TXNDC16: variants seen among roughly 807,000 people sequenced by gnomAD.
TXNDC16 encodes the protein thioredoxin domain containing 16.
TXNDC16 carries 74 observed loss-of-function variants against 85.6 expected under a neutral mutation model. That is an observed-to-expected ratio of 0.86 (90% CI 0.72 to 1.05). TXNDC16 has a LOEUF of 1.05. Ranked by LOEUF, TXNDC16 falls within the 50% of genes least tolerant of loss-of-function variation. TXNDC16 has a pLI of 0.00. For missense variants in TXNDC16, 959 were observed against 947.0 expected, an observed-to-expected ratio of 1.01 and a Z score of -0.17; for synonymous variants, 335 against 326.5, an observed-to-expected ratio of 1.03 and a Z score of -0.28.
chr14:52,439,953 A>C (rs2035129075), intron 19 of TXNDC16, among the ~76,000 whole-genome samples: 1 of 152,206 alleles, frequency 6.6e-6, no homozygotes. Flanking sequence ...TTTTACTCTT[A>C]GATACCTGTA....
At chr14:52,533,577 A>G (rs2037632558) in intron 6 of TXNDC16, among the ~76,000 whole-genome samples, 2 of 152,308 alleles carry the variant, frequency 1.3e-5, no homozygotes, top group African/African-American at 2.4e-5. Flanking sequence ...AATCAGAACA[A>G]CAAGCCAAAC....
chr14:52,466,674 G>C (rs1441039820), intron 16 of TXNDC16, among the ~76,000 whole-genome samples: 3 of 151,894 alleles, frequency 2.0e-5, no homozygotes, highest in African/African-American at 4.8e-5. Flanking sequence ...AAACCATCCT[G>C]GCTAATGCGT....
At chr14:52,511,105 A>G (rs1042950114) in intron 9 of TXNDC16, 135 bp downstream of exon 9, 11 of 671,502 alleles carry the variant, frequency 1.6e-5, no homozygotes, top group East Asian at 3.1e-5. Flanking sequence ...GGGAAAAGCT[A>G]TAACTGTCAT....
intron 6 of TXNDC16, among the ~76,000 whole-genome samples, chr14:52,527,236 C>T (rs2140203764): frequency 6.6e-6 from 1 of 152,272 alleles, no homozygotes; most frequent in South Asian, 2.1e-4. Context: ...TGACTGGCAT[C>T]TCAGGTAGGG....
intron 20 of TXNDC16, among the ~76,000 whole-genome samples, chr14:52,432,929 T>A (rs2140095864): frequency 6.6e-6 from 1 of 152,308 alleles, no homozygotes; most frequent in African/African-American, 2.4e-5. Context: ...CACATACACA[T>A]ATGTAAAACG....
chr14:52,522,767 C>A (rs2037237964), intron 6 of TXNDC16, among the ~76,000 whole-genome samples: 1 of 152,190 alleles, frequency 6.6e-6, no homozygotes, highest in South Asian at 2.1e-4. Context: ...CCTATATCCA[C>A]TCCAAATCCT....
intron 20 of TXNDC16, among the ~76,000 whole-genome samples, chr14:52,433,617 A>G (rs993720364): frequency 2.0e-5 from 3 of 152,210 alleles, no homozygotes; most frequent in East Asian, 1.9e-4. Context: ...AAAAATCTGT[A>G]TATGTACACA....
At chr14:52,467,721 T>C (rs1325883630) in intron 16 of TXNDC16, among the ~76,000 whole-genome samples, 1 of 152,200 alleles carries the variant, frequency 6.6e-6, no homozygotes, top group Non-Finnish European at 1.5e-5. Flanking sequence ...AGAATTACCA[T>C]ATGACCCAGC....
rs1333250362 is a variant in TXNDC16, at chr14:52,440,490, T to C, written c.2003+74A>G. 7.8e-6 allele frequency: 10 copies of C among 1,274,000 alleles called. No individual in the cohort carries two copies. The Admixed American group carries it at 2.1e-4, about 27-fold the overall frequency. The allele number at this position is 1,274,000 out of a possible 1,614,324, so 78.9% of individuals were successfully genotyped here. ...ATTAACTCCAAAGAGTTAGAGAGTT[T>C]CGTTTCCTAATGAAAATGTAATAAT... On this transcript the variant is annotated intron_variant, in intron 19 of 20. Coordinates refer to ENST00000281741, the MANE Select transcript of TXNDC16 (RefSeq NM_020784.3).
intron 19 of TXNDC16, among the ~76,000 whole-genome samples, chr14:52,439,756 T>C (rs2035122585): frequency 6.6e-6 from 1 of 152,220 alleles, no homozygotes; most frequent in East Asian, 1.9e-4. Context: ...AATGATTACA[T>C]AACTAGAAGA....
At chr14:52,486,973 T>A (rs1228570985) in intron 12 of TXNDC16, among the ~76,000 whole-genome samples, 1 of 151,596 alleles carries the variant, frequency 6.6e-6, no homozygotes. Flanking sequence ...AAAATGGAAA[T>A]AAAAACCAGA....
intron 6 of TXNDC16, among the ~76,000 whole-genome samples, chr14:52,521,286 T>TTC (rs1297220272): frequency 9.9e-5 from 15 of 150,984 alleles, no homozygotes; most frequent in South Asian, 4.2e-4. Context: ...CTATTTTTTT[T>TTC]TTTTTTTTGT....
intron 14 of TXNDC16, among the ~76,000 whole-genome samples, chr14:52,476,204 C>A (rs1019414099): frequency 6.6e-6 from 1 of 152,210 alleles, no homozygotes; most frequent in Non-Finnish European, 1.5e-5. Flanking sequence ...GACCTTCCCT[C>A]TGACAGAGCC....
chr14:52,541,914 C>G (rs181177280), intron 4 of TXNDC16, among the ~76,000 whole-genome samples: 1 of 151,562 alleles, frequency 6.6e-6, no homozygotes, highest in Non-Finnish European at 1.5e-5. Flanking sequence ...AAAATAAATG[C>G]GAAAAAGTGA....
At chr14:52,493,786 T>G (rs563843894) in intron 9 of TXNDC16, among the ~76,000 whole-genome samples, 1 of 152,098 alleles carries the variant, frequency 6.6e-6, no homozygotes, top group Non-Finnish European at 1.5e-5. Flanking sequence ...AATTAAACTT[T>G]TTTTTTTTCC....
At chr14:52,551,806 G>C (rs1007762119) in intron 1 of TXNDC16, among the ~76,000 whole-genome samples, 1 of 151,932 alleles carries the variant, frequency 6.6e-6, no homozygotes, top group African/African-American at 2.4e-5. Context: ...CAGGTCCAAG[G>C]CTTCGATACA....
rs1322214638 is a variant in TXNDC16, at chr14:52,537,665, C to G, written c.251G>C (p.Cys84Ser). ...DYGISVAKVN[C>S]VKEEISRYCG... is the part of the protein sequence containing the mutation. ...GTATCTTGATATTTCTTCTTTGACA[C>G]AATTAACCTTTAAAAGAGTATACTT... is the stretch of plus-strand genomic sequence containing the variant. The change falls in exon 5 of 21, where the codon TGT becomes TCT. Residue 84 changes from cysteine (C) to serine (S), a missense_variant. Physicochemically the swap from Cys to Ser is moderately radical, Grantham distance 112. Transcript: ENST00000281741. 1 of 1,570,744 alleles carries G rather than the reference C, an allele frequency of 6.4e-7. No homozygotes were observed. Among genetic ancestry groups the G allele is most frequent in the African/African-American group, 1.3e-5 (1 of 74,200 alleles).
At chr14:52,529,915 AATATACATT>A (rs1184726542) in intron 6 of TXNDC16, among the ~76,000 whole-genome samples, 1 of 110,954 alleles carries the variant, frequency 9.0e-6, no homozygotes, top group African/African-American at 3.7e-5. Flanking sequence ...TATATTATAT[AATATACATT>A]ATATATATTA....
At chr14:52,531,034 T>C (rs926753411) in intron 6 of TXNDC16, among the ~76,000 whole-genome samples, 1 of 151,940 alleles carries the variant, frequency 6.6e-6, no homozygotes, top group South Asian at 2.1e-4. Context: ...GACCTTGACC[T>C]CATCATAGAT....
Sources: gnomAD v4.1 joint callset for allele counts (sites outside exome capture counted in the v4.1 genomes callset) on GRCh38, gnomAD v4.1.1 for gene constraint, MANE v1.5 for transcripts, NCBI Gene and HGNC (gene_info 2026-07-23, HGNC 2026-07-21) for gene names.